FMNL2: variants seen among roughly 807,000 people sequenced by gnomAD.
FMNL2 encodes formin-like protein 2.
In FMNL2, 51 loss-of-function variants were observed where a neutral mutation model predicts 130.2. That is an observed-to-expected ratio of 0.39 (90% CI 0.31 to 0.49). The LOEUF is 0.49. FMNL2 is among the 20% of genes least tolerant of loss of function. The probability of loss-of-function intolerance (pLI) is 0.85; values close to 1 mark genes in which losing one functional copy is unlikely to be tolerated. For missense variants in FMNL2, 977 were observed against 1,316.2 expected, an observed-to-expected ratio of 0.74 and a Z score of 3.99; for synonymous variants, 465 against 467.1, an observed-to-expected ratio of 1.00 and a Z score of 0.06.
At position 152,611,615 on chromosome 2, in the gene FMNL2, G is replaced by A; in HGVS notation, c.1062+10G>A. 6.5e-7 allele frequency: 1 copy of A among 1,531,840 alleles called. No homozygotes were observed. The highest frequency in any genetic ancestry group is 9.0e-7 in the Non-Finnish European group (1 of 1,113,854). 94.9% of individuals were successfully genotyped at this position (1,531,840 alleles called of 1,614,324 possible). On this transcript the variant is annotated intron_variant, in intron 11 of 25. Transcript: ENST00000288670. ...GGACGAATACTTGGACGTGAGTATA[G>A]CTGTGACCTTTGGCTCCAATATAAG...
At chr2:152,455,952 T>C (rs1039135665) in intron 1 of FMNL2, among the ~76,000 whole-genome samples, 2 of 152,160 alleles carry the variant, frequency 1.3e-5, no homozygotes, top group East Asian at 1.9e-4. Context: ...CTAGCCTCAA[T>C]TGATCCTCCC....
chr2:152,404,420 A>T (rs1355184995), intron 1 of FMNL2, among the ~76,000 whole-genome samples: 1 of 152,202 alleles, frequency 6.6e-6, no homozygotes, highest in African/African-American at 2.4e-5. Context: ...TAGAAAAAAT[A>T]ATGAAATATA....
intron 13 of FMNL2, among the ~76,000 whole-genome samples, chr2:152,618,589 C>G (rs1259629750): frequency 6.6e-6 from 1 of 152,196 alleles, no homozygotes; most frequent in Admixed American, 6.5e-5. Flanking sequence ...TTTCTTTCCA[C>G]CTGCAGGGAA....
intron 1 of FMNL2, among the ~76,000 whole-genome samples, chr2:152,466,658 C>G (rs1477962491): frequency 6.6e-6 from 1 of 152,202 alleles, no homozygotes; most frequent in African/African-American, 2.4e-5. Flanking sequence ...CCTTTGTCTT[C>G]CTTCATAAGA....
chr2:152,558,263 G>A (rs1484236228), intron 4 of FMNL2, among the ~76,000 whole-genome samples: 1 of 152,096 alleles, frequency 6.6e-6, no homozygotes, highest in Admixed American at 6.6e-5. Flanking sequence ...GTCTCTCATT[G>A]GCTAGTTTAG....
intron 9 of FMNL2, among the ~76,000 whole-genome samples, chr2:152,592,927 T>C (rs1258591424): frequency 6.6e-6 from 1 of 152,200 alleles, no homozygotes; most frequent in African/African-American, 2.4e-5. Flanking sequence ...GGATAGATTA[T>C]TGGGGTGTTT....
intron 1 of FMNL2, among the ~76,000 whole-genome samples, chr2:152,429,596 ACTT>A (rs1687388506): frequency 6.8e-6 from 1 of 147,460 alleles, no homozygotes. Flanking sequence ...TAGATAGCCC[ACTT>A]CTTTTGTCTT....
chr2:152,627,546 C>T (rs1681876048), intron 17 of FMNL2, among the ~76,000 whole-genome samples: 1 of 152,194 alleles, frequency 6.6e-6, no homozygotes, highest in African/African-American at 2.4e-5. Context: ...TAGTCCAGTG[C>T]CTCCTACAGT....
At chr2:152,475,364 G>A (rs548762778) in intron 1 of FMNL2, among the ~76,000 whole-genome samples, 1 of 152,318 alleles carries the variant, frequency 6.6e-6, no homozygotes, top group East Asian at 1.9e-4. Flanking sequence ...GGAGAGGATG[G>A]AGATAGATGT....
chr2:152,439,242 A>C (rs1687933397), intron 1 of FMNL2, among the ~76,000 whole-genome samples: 1 of 152,176 alleles, frequency 6.6e-6, no homozygotes, highest in Non-Finnish European at 1.5e-5. Flanking sequence ...AATGAAATAT[A>C]ATCAAGGGGA....
At chr2:152,444,326 C>A (rs184878053) in intron 1 of FMNL2, among the ~76,000 whole-genome samples, 43 of 152,166 alleles carry the variant, frequency 2.8e-4, no homozygotes, top group African/African-American at 1.0e-3. Flanking sequence ...GGGAAGGAGA[C>A]CACCGCCCAG....
chr2:152,474,558 C>T (rs1000127381), intron 1 of FMNL2, among the ~76,000 whole-genome samples: 3 of 152,070 alleles, frequency 2.0e-5, no homozygotes, highest in Admixed American at 6.6e-5. Flanking sequence ...TGGTGGCGCA[C>T]GCCTGTAGTC....
At chr2:152,527,426 GT>G (rs1422639266) in intron 2 of FMNL2, among the ~76,000 whole-genome samples, 1 of 151,954 alleles carries the variant, frequency 6.6e-6, no homozygotes, top group East Asian at 1.9e-4. Context: ...ATAATCTTTT[GT>G]TGAATCAGTT....
At chr2:152,585,645 G>T (rs1387447062) in intron 9 of FMNL2, among the ~76,000 whole-genome samples, 1 of 152,128 alleles carries the variant, frequency 6.6e-6, no homozygotes, top group African/African-American at 2.4e-5. Flanking sequence ...ACCATTTGGG[G>T]TTCTGGTCAT....
rs774116434 is a variant in FMNL2 at position 152,636,455 on chromosome 2, C to G, written c.2709C>G (p.Val903=). The change falls in exon 22 of 26, where the codon GTC becomes GTG. Residue 903 remains valine, a synonymous_variant. Transcript: ENST00000288670. ...AVSLENVLLD[V]KELQRGMDLT... ...CCCTTGAGAATGTTTTGCTGGATGT[C>G]AAGGAGCTCCAGAGGGGAATGGACT... The G allele has an allele frequency of 1.2e-6, 2 of 1,612,288 alleles. No homozygotes were observed. The highest frequency in any genetic ancestry group is 4.5e-5 in the East Asian group (2 of 44,842).
intron 4 of FMNL2, among the ~76,000 whole-genome samples, chr2:152,557,347 G>C (rs1284927852): frequency 6.6e-6 from 1 of 152,094 alleles, no homozygotes; most frequent in African/African-American, 2.4e-5. Context: ...TGCCACTCCA[G>C]GTCTCTCTTA....
intron 1 of FMNL2, among the ~76,000 whole-genome samples, chr2:152,397,581 G>A (rs985249221): frequency 4.6e-5 from 7 of 152,182 alleles, no homozygotes; most frequent in African/African-American, 1.7e-4. Flanking sequence ...TCCTGGCTAA[G>A]ACAGGTGGCT....
In FMNL2 at chr2:152,639,949, T is replaced by C. The variant is rs1682939634; in HGVS notation, c.2947-9T>C. ...AACATCATCTTTCTGGTTCTTTTGATTTACCCAGCAAGCAGAAGAGGAAAA... is the reference window on the plus strand; with the variant it reads ...AACATCATCTTTCTGGTTCTTTTGACTTACCCAGCAAGCAGAAGAGGAAAA... On this transcript the variant is annotated splice_polypyrimidine_tract_variant and intron_variant, in intron 23 of 25. Coordinates refer to ENST00000288670, the MANE Select transcript of FMNL2 (RefSeq NM_052905.4). The C allele has an allele frequency of 1.2e-5, 19 of 1,541,500 alleles. No individual in the cohort carries two copies. The highest frequency in any genetic ancestry group is 1.6e-5 in the Non-Finnish European group (18 of 1,145,804).
rs1326028093 is a variant in FMNL2 at position 152,373,258 on chromosome 2, GTTT to G, written c.117+37543_117+37545del. 2.0e-5 allele frequency among the ~76,000 whole-genome samples: 3 copies of G among 152,246 alleles called. No homozygotes were observed. The East Asian group carries it at 5.8e-4, about 29-fold the overall frequency. Reference sequence around the variant, plus strand: ...TTTAAGAATCAGTTTTTTAAAATAAGTTTTTTTGGGCATTTAATGGTATGGGTG... The same window carrying G: ...TTTAAGAATCAGTTTTTTAAAATAAGTTTTGGGCATTTAATGGTATGGGTG... On this transcript the variant is annotated intron_variant, in intron 1 of 25. Coordinates refer to ENST00000288670, the MANE Select transcript of FMNL2 (RefSeq NM_052905.4).
Sources: allele counts gnomAD v4.1 joint callset (sites outside exome capture counted in the v4.1 genomes callset), GRCh38; gene constraint gnomAD v4.1.1; transcripts MANE v1.5; gene names NCBI Gene and HGNC (gene_info 2026-07-23, HGNC 2026-07-21).